The following JDP2 variants were observed in gnomAD, a reference collection of about 807,000 sequenced individuals.
The protein encoded by JDP2 is Jun dimerization protein 2, also known as progesterone receptor co-activator.
Under a neutral mutation model 17.1 loss-of-function variants are expected in JDP2, and 9 were observed. That is an observed-to-expected ratio of 0.53 (90% confidence interval 0.32 to 0.92). The LOEUF is 0.92. JDP2 is among the 40% of genes least tolerant of loss of function. The pLI is 0.04. For synonymous variants in JDP2, 107 were observed against 95.6 expected, an observed-to-expected ratio of 1.12 and a Z score of -0.69; for missense variants, 179 against 220.0, an observed-to-expected ratio of 0.81 and a Z score of 1.18.
rs980234299 is a variant in JDP2 at position 75,472,084 on chromosome 14, C to T, written c.*2609C>T. ...CTTGTGCTGTGCGGAGCCTTCCTCA[C>T]CAGGACCACTGGCTGCTCCTGTGGC... On this transcript the variant is annotated 3_prime_UTR_variant, in exon 4 of 4. Coordinates refer to ENST00000651602, the MANE Select transcript of JDP2 (RefSeq NM_001135048.2). 6.6e-6 allele frequency: 1 copy of T among 152,220 alleles called. No homozygotes were observed. The highest frequency in any genetic ancestry group is 1.5e-5 in the Non-Finnish European group (1 of 68,066). 9.4% of individuals were successfully genotyped at this position (152,220 alleles called of 1,614,324 possible).
rs1884655290 is a variant in JDP2 at position 75,428,787 on chromosome 14, C to T, written c.-24+535C>T. Among the ~76,000 whole-genome samples the T allele has an allele frequency of 6.6e-6, 1 of 152,166 alleles. No individual in the cohort carries two copies. The highest frequency in any genetic ancestry group is 1.5e-5 in the Non-Finnish European group (1 of 68,032). ...ACCCGGAGGAGAGTATTGAGAAGGG[C>T]TCGGGATTTCCATCCAATGAAGGCA... On this transcript the variant is annotated intron_variant, in intron 1 of 3. Transcript: ENST00000651602. The surrounding 1 kb of genome is among the most constrained non-coding windows in gnomAD (Gnocchi z 5.6).
chr14:75,454,722 G>A (rs2045418104), intron 2 of JDP2, among the ~76,000 whole-genome samples: 1 of 152,128 alleles, frequency 6.6e-6, no homozygotes, highest in Admixed American at 6.5e-5. Flanking sequence ...GGTCAGTAAA[G>A]ACGTCAAGAA....
intron 2 of JDP2, among the ~76,000 whole-genome samples, chr14:75,442,256 G>A (rs745442271): frequency 4.6e-5 from 7 of 151,874 alleles, no homozygotes; most frequent in African/African-American, 7.3e-5. Context: ...TTTAAAAGCC[G>A]GGAAATGTGG....
chr14:75,452,111 G>A (rs147560689), intron 2 of JDP2, among the ~76,000 whole-genome samples: 96 of 152,264 alleles, frequency 6.3e-4, no homozygotes, highest in Middle Eastern at 3.4e-3. Context: ...AAATTAGGGG[G>A]CACCCTTCCT....
In JDP2 at chr14:75,459,412, C is replaced by T. The variant is rs565042045; in HGVS notation, c.202-2014C>T. On this transcript the variant is annotated intron_variant, in intron 2 of 3. Transcript: ENST00000651602. ...AGGTGCTTGGGTGTGGCGGTGTTGA[C>T]GAGGCGCCTCTGCAGCTGACTCCCA... Among the ~76,000 whole-genome samples the T allele has an allele frequency of 2.8e-3, 430 of 152,230 alleles. 1 individual carries two copies. Among genetic ancestry groups the T allele is most frequent in the Non-Finnish European group, 4.8e-3 (324 of 67,992 alleles).
chr14:75,451,582 A>G (rs1885868149), intron 2 of JDP2, among the ~76,000 whole-genome samples: 1 of 152,178 alleles, frequency 6.6e-6, no homozygotes. Flanking sequence ...GTATCGAGTG[A>G]GGAGAGTAGC....
chr14:75,442,724 G>C (rs1885411620), intron 2 of JDP2, among the ~76,000 whole-genome samples: 1 of 152,162 alleles, frequency 6.6e-6, no homozygotes, highest in Admixed American at 6.5e-5. Context: ...TTCTTAAAAA[G>C]TATAAATTTC....
intron 2 of JDP2, among the ~76,000 whole-genome samples, chr14:75,446,186 C>T (rs538104317): frequency 6.3e-4 from 96 of 152,260 alleles, no homozygotes; most frequent in Non-Finnish European, 8.4e-4. Context: ...GAGAAGCTGT[C>T]GTCATGAATT....
At chr14:75,453,295 A>G (rs1885951145) in intron 2 of JDP2, among the ~76,000 whole-genome samples, 1 of 152,164 alleles carries the variant, frequency 6.6e-6, no homozygotes, top group East Asian at 1.9e-4. Flanking sequence ...TGGTGTTGAA[A>G]TGTGGCTCCT....
At chr14:75,459,031 G>C (rs1886232382) in intron 2 of JDP2, among the ~76,000 whole-genome samples, 2 of 152,220 alleles carry the variant, frequency 1.3e-5, no homozygotes, top group South Asian at 4.1e-4. Flanking sequence ...AGCAGCTTCT[G>C]TCTGCTTCTG....
chr14:75,455,367 C>T (rs540895481), intron 2 of JDP2, among the ~76,000 whole-genome samples: 1 of 152,144 alleles, frequency 6.6e-6, no homozygotes, highest in Non-Finnish European at 1.5e-5. Flanking sequence ...GCCTGCAGGC[C>T]GTGACTGGGT....
intron 1 of JDP2, among the ~76,000 whole-genome samples, chr14:75,436,496 TGAAAAGAGGGA>T (rs1885070102): frequency 6.6e-6 from 1 of 152,108 alleles, no homozygotes; most frequent in Admixed American, 6.5e-5. Context: ...GGCAGAAAGG[TGAAAAGAGGGA>T]GAAATGATTT....
chr14:75,444,912 A>G (rs1011189995), intron 2 of JDP2, among the ~76,000 whole-genome samples: 1 of 152,164 alleles, frequency 6.6e-6, no homozygotes, highest in Non-Finnish European at 1.5e-5. Context: ...ACAAACTATA[A>G]ATGAGAAGGC....
intron 3 of JDP2, among the ~76,000 whole-genome samples, chr14:75,463,865 A>G (rs1886449833): frequency 6.6e-6 from 1 of 151,964 alleles, no homozygotes; most frequent in Admixed American, 6.6e-5. Flanking sequence ...CCCTTCCTTC[A>G]CTCTCACAAG....
At chr14:75,431,758 G>A (rs1192574978) in intron 1 of JDP2, among the ~76,000 whole-genome samples, 1 of 152,190 alleles carries the variant, frequency 6.6e-6, no homozygotes, top group African/African-American at 2.4e-5. Flanking sequence ...AATCCTCTGG[G>A]GAGAATCCTC....
chr14:75,447,765 C>T (rs1219635017), intron 2 of JDP2, among the ~76,000 whole-genome samples: 1 of 152,080 alleles, frequency 6.6e-6, no homozygotes, highest in Non-Finnish European at 1.5e-5. Flanking sequence ...TCAAGTGATT[C>T]TCCTGGCTCA....
intron 1 of JDP2, among the ~76,000 whole-genome samples, chr14:75,431,471 A>C (rs931894438): frequency 6.6e-6 from 1 of 152,186 alleles, no homozygotes; most frequent in Non-Finnish European, 1.5e-5. Flanking sequence ...GATGGAGTAG[A>C]GGGCACAGGA....
At position 75,438,037 on chromosome 14, in the gene JDP2, C is replaced by A; in HGVS notation, c.117C>A (p.Asp39Glu). 1 of 1,614,032 alleles carries A rather than the reference C, an allele frequency of 6.2e-7. No homozygotes were observed. Among genetic ancestry groups the A allele is most frequent in the Non-Finnish European group, 8.5e-7 (1 of 1,179,954 alleles). The change falls in exon 2 of 4, where the codon GAC becomes GAA. Residue 39 changes from aspartate to glutamate, a missense_variant. By Grantham distance (45) the Asp-to-Glu change is conservative (BLOSUM62 2). Transcript: ENST00000651602. ...ALTVEELKYA[D>E]IRNLGAMIAP... ...CTGTGGAGGAGCTGAAATACGCTGACATCCGCAACCTCGGGGCCATGATTG... is the reference window on the plus strand; with the variant it reads ...CTGTGGAGGAGCTGAAATACGCTGAAATCCGCAACCTCGGGGCCATGATTG...
chr14:75,459,810 C>T (rs143703156), intron 2 of JDP2, among the ~76,000 whole-genome samples: 97 of 152,316 alleles, frequency 6.4e-4, no homozygotes, highest in African/African-American at 2.3e-3. Flanking sequence ...GGTAGATCAC[C>T]TACCAGGTAG....
Sources: gnomAD v4.1 joint callset for allele counts (sites outside exome capture counted in the v4.1 genomes callset) on GRCh38, gnomAD v4.1.1 for gene constraint, Gnocchi (gnomAD v3.1) non-coding constraint, MANE v1.5 for transcripts, NCBI Gene and HGNC (gene_info 2026-07-23, HGNC 2026-07-21) for gene names.